KIF21A: variants seen among roughly 807,000 people sequenced by gnomAD.
The protein encoded by KIF21A is kinesin family member 21A.
Under a neutral mutation model 202.9 loss-of-function variants are expected in KIF21A, and 114 were observed. That is an observed-to-expected ratio of 0.56 (90% CI 0.48 to 0.66). The LOEUF is 0.66. KIF21A is among the 30% of genes least tolerant of loss of function. The pLI is 0.00. For synonymous variants in KIF21A, 667 were observed against 670.8 expected (o/e 0.99, Z 0.09); for missense variants, 1,677 against 1,994.9 (o/e 0.84, Z 3.04).
At position 39,415,069 on chromosome 12, in the gene KIF21A, C is replaced by G. The variant is rs1216604172; in HGVS notation, c.44+27858G>C. On this transcript the variant is annotated intron_variant, in intron 1 of 37. Transcript: ENST00000361418. ...TGTGGACAAGCCTAATGAAGTTAGT[C>G]TAAACGCACCTGAGAAACATTGAAA... Among the ~76,000 whole-genome samples, 4 of 151,408 alleles carry G rather than the reference C, an allele frequency of 2.6e-5. No homozygotes were observed. In the East Asian group the frequency reaches 5.8e-4, roughly 22 times the overall value.
intron 1 of KIF21A, among the ~76,000 whole-genome samples, chr12:39,434,287 CT>C (rs1938376069): frequency 6.6e-6 from 1 of 152,202 alleles, no homozygotes; most frequent in Non-Finnish European, 1.5e-5. Context: ...GAAAATGAAA[CT>C]ACTCCCTCAA....
At chr12:39,302,804 G>T (rs1316785185) in intron 36 of KIF21A, among the ~76,000 whole-genome samples, 161 bp downstream of exon 36, 1 of 152,098 alleles carries the variant, frequency 6.6e-6, no homozygotes, top group Admixed American at 6.5e-5. Flanking sequence ...CCTTCTCCCA[G>T]TGAAGAACTC....
chr12:39,300,932 A>G (rs747527348), intron 37 of KIF21A, among the ~76,000 whole-genome samples: 1 of 152,164 alleles, frequency 6.6e-6, no homozygotes, highest in Non-Finnish European at 1.5e-5. Flanking sequence ...TCATAAGAAT[A>G]TAGACTGGGT....
intron 7 of KIF21A, among the ~76,000 whole-genome samples, chr12:39,361,043 G>T (rs1400911369): frequency 1.3e-5 from 2 of 152,108 alleles, no homozygotes; most frequent in Admixed American, 1.3e-4. Flanking sequence ...TCCTTTGAGG[G>T]GTTACCACCC....
intron 7 of KIF21A, among the ~76,000 whole-genome samples, chr12:39,362,242 C>T (rs1015456361): frequency 1.3e-5 from 2 of 152,108 alleles, no homozygotes; most frequent in African/African-American, 4.8e-5. Flanking sequence ...ATTACCCAGT[C>T]TCAGGTATTT....
chr12:39,409,085 C>T lies in KIF21A; in HGVS notation c.44+33842G>A, dbSNP rs1327423217. ...TCCTGGTCTCAAGCAATCCTCCTGC[C>T]TTGGCCTCTGAAAGTGTTGGGATTA... On this transcript the variant is annotated intron_variant, in intron 1 of 37. Transcript: ENST00000361418. Among the ~76,000 whole-genome samples the T allele has an allele frequency of 2.6e-5, 4 of 151,964 alleles. No homozygotes were observed. The South Asian group carries it at 6.2e-4, about 24-fold the overall frequency.
At position 39,358,307 on chromosome 12, in the gene KIF21A, C is replaced by T. The variant is rs1459666917; in HGVS notation, c.1086G>A (p.Leu362=). 1 of 1,614,076 alleles carries T rather than the reference C, an allele frequency of 6.2e-7. No homozygotes were observed. The highest frequency in any genetic ancestry group is 8.5e-7 in the Non-Finnish European group (1 of 1,179,976). The change falls in exon 8 of 38, where the codon CTG becomes CTA. Residue 362 remains leucine (L), a synonymous_variant. Transcript: ENST00000361418. ...TATTTCTAGCTCGATTGGCGTATTTCAGGGTGTTTAACGTTTCCATAAAGT... is the reference window on the plus strand; with the variant it reads ...TATTTCTAGCTCGATTGGCGTATTTTAGGGTGTTTAACGTTTCCATAAAGT... ...DRDFMETLNT[L]KYANRARNIK...
intron 1 of KIF21A, among the ~76,000 whole-genome samples, chr12:39,415,230 CTTTTTTTTTTTTTTTTT>C (rs1161997461): frequency 1.8e-4 from 10 of 55,462 alleles, no homozygotes; most frequent in African/African-American, 7.8e-4. Flanking sequence ...GTAGAGAATG[CTTTTTTTTTTTTTTTTT>C]TTTTTTTTTT....
chr12:39,389,324 T>C (rs1325450048), intron 1 of KIF21A, among the ~76,000 whole-genome samples: 1 of 152,174 alleles, frequency 6.6e-6, no homozygotes, highest in East Asian at 1.9e-4. Flanking sequence ...TATGTACCTC[T>C]AATATACAAA....
At chr12:39,436,448 A>ATATATATATATATATATATATATTT (rs1387332677) in intron 1 of KIF21A, among the ~76,000 whole-genome samples, 2 of 95,760 alleles carry the variant, frequency 2.1e-5, no homozygotes, top group African/African-American at 5.1e-5. Flanking sequence ...ATATATATAT[A>ATATATATATATATATATATATATTT]TTTTTTTTTT....
intron 36 of KIF21A, among the ~76,000 whole-genome samples, chr12:39,302,653 A>G (rs1943074438): frequency 6.6e-6 from 1 of 152,194 alleles, no homozygotes; most frequent in Non-Finnish European, 1.5e-5. Context: ...AAAGCAAAAC[A>G]AAATGAGAAA....
At chr12:39,385,943 GTACTT>G (rs1026531790) in intron 1 of KIF21A, among the ~76,000 whole-genome samples, 1 of 152,162 alleles carries the variant, frequency 6.6e-6, no homozygotes, top group African/African-American at 2.4e-5. Context: ...CTAGGTTACT[GTACTT>G]TACAATTATC....
rs866028501 is a variant in KIF21A at position 39,442,531 on chromosome 12, G to C, written c.44+396C>G. 1.9e-4 allele frequency among the ~76,000 whole-genome samples: 29 copies of C among 152,136 alleles called. No homozygotes were observed. The highest frequency in any genetic ancestry group is 6.8e-4 in the African/African-American group (28 of 41,436). On this transcript the variant is annotated intron_variant, in intron 1 of 37. Coordinates refer to ENST00000361418, the MANE Select transcript of KIF21A (RefSeq NM_001173464.2). The surrounding 1 kb of genome is among the most constrained non-coding windows in gnomAD (Gnocchi z 5.0). The stretch of plus-strand genomic sequence containing the variant: ...CAGACATTCTAGAACTAATAAAAAA[G>C]AACACCACAGCCCCGCGCACAGGCA...
chr12:39,435,746 G>T (rs918240912), intron 1 of KIF21A, among the ~76,000 whole-genome samples: 1 of 151,806 alleles, frequency 6.6e-6, no homozygotes, highest in African/African-American at 2.4e-5. Context: ...GTCTGTTGGA[G>T]TAAAGTATTA....
chr12:39,357,729 G>A lies in KIF21A; in HGVS notation c.1216-292C>T, dbSNP rs557740011. On this transcript the variant is annotated intron_variant, in intron 8 of 37. Transcript: ENST00000361418. ...GTTCAAGACCAGCCTGGCCAACGTG[G>A]TGAAACCCCATCTCTACTAAAAATG... 2.0e-3 allele frequency among the ~76,000 whole-genome samples: 310 copies of A among 151,588 alleles called. 1 individual carries two copies. Among genetic ancestry groups the A allele is most frequent in the Non-Finnish European group, 4.1e-3 (275 of 67,892 alleles).
chr12:39,330,257 C>T lies in KIF21A; in HGVS notation c.3325G>A (p.Asp1109Asn), dbSNP rs1946396957. The T allele has an allele frequency of 1.2e-6, 2 of 1,612,376 alleles. No homozygotes were observed. Among genetic ancestry groups the T allele is most frequent in the Admixed American group, 1.7e-5 (1 of 60,004 alleles). ...ALLGHALQDLDSVPLENVEDS... is the reference protein window; with the variant it reads ...ALLGHALQDLNSVPLENVEDS... ...ACATACTTACCTAATGGTACGCTAT[C>T]TAGATCTGTGTAAATAACAGCAAAA... The change falls in exon 24 of 38, where the codon GAT (aspartate) becomes AAT (asparagine). Residue 1109 changes from aspartate to asparagine, a missense_variant. Transcript: ENST00000361418.
chr12:39,306,780 G>C (rs1943517035), intron 34 of KIF21A, among the ~76,000 whole-genome samples: 1 of 152,116 alleles, frequency 6.6e-6, no homozygotes, highest in Non-Finnish European at 1.5e-5. Flanking sequence ...GAGCACTTTG[G>C]GAGGCTTAGG....
At chr12:39,393,422 TC>T (rs753653920) in intron 1 of KIF21A, among the ~76,000 whole-genome samples, 29 of 152,290 alleles carry the variant, frequency 1.9e-4, no homozygotes, top group Non-Finnish European at 3.7e-4. Context: ...TTCCCTTTCC[TC>T]CCTCCAATGG....
chr12:39,311,795 C>A, intron 31 of KIF21A: 1 of 465,368 alleles, frequency 2.1e-6, no homozygotes, highest in South Asian at 2.6e-5. Context: ...GACTATAATA[C>A]ATCTAGATTT....
Sources: gnomAD v4.1 joint callset for allele counts (sites outside exome capture counted in the v4.1 genomes callset) on GRCh38, gnomAD v4.1.1 for gene constraint, Gnocchi (gnomAD v3.1) non-coding constraint, MANE v1.5 for transcripts, NCBI Gene and HGNC (gene_info 2026-07-23, HGNC 2026-07-21) for gene names.